Variants in HMGA2 observed in about 807,000 individuals in gnomAD.
HMGA2 encodes the protein high mobility group protein HMGI-C.
HMGA2 carries 8 observed loss-of-function variants against 19.1 expected under a neutral mutation model. The ratio of observed to expected loss-of-function variants is 0.42; its 90% CI spans 0.25 to 0.76. The LOEUF (loss-of-function observed/expected upper bound fraction) is 0.76, where lower values mean the gene tolerates loss of function less well. Ranked by LOEUF, HMGA2 falls within the 30% of genes least tolerant of loss-of-function variation. The probability of loss-of-function intolerance (pLI) is 0.28; values close to 1 mark genes in which losing one functional copy is unlikely to be tolerated. For synonymous variants in HMGA2, 60 were observed against 48.8 expected (o/e 1.23, Z -0.96); for missense variants, 109 against 136.3 (o/e 0.80, Z 1.00).
At position 65,825,280 on chromosome 12, in the gene HMGA2, C is replaced by T; in HGVS notation, c.10C>T (p.Arg4Cys). The change falls in exon 1 of 5, where the codon CGC (arginine) becomes TGC (cysteine). Residue 4 changes from arginine (R) to cysteine (C), a missense_variant. Transcript: ENST00000403681. This position sits in a 1 kb window ranked among gnomAD's most constrained non-coding sequence, Gnocchi z 4.4. Reference protein sequence around the residue: MSARGEGAGQPSTS... With the variant: MSACGEGAGQPSTS... The stretch of plus-strand genomic sequence containing the variant: ...GGCGGCGGGAGGCAGGATGAGCGCA[C>T]GCGGTGAGGGCGCGGGGCAGCCGTC... 6.5e-7 allele frequency: 1 copy of T among 1,530,350 alleles called. No homozygotes were observed. Among genetic ancestry groups the T allele is most frequent in the Non-Finnish European group, 8.7e-7 (1 of 1,143,096 alleles). 94.8% of individuals were successfully genotyped at this position (1,530,350 alleles called of 1,614,324 possible). A position where few individuals can be genotyped will look rare whatever the true frequency, so the allele number is the denominator to read the frequency against.
Position 65,914,775 on chromosome 12 carries a change from A to G in HMGA2, c.250-36608A>G, listed in dbSNP as rs376943127. 1.5e-4 allele frequency: 57 copies of G among 388,070 alleles called. 1 individual carries two copies. The highest frequency in any genetic ancestry group is 1.2e-3 in the South Asian group (54 of 43,240). 24.0% of individuals were successfully genotyped at this position (388,070 alleles called of 1,614,324 possible). ...TTGCAACCTCCACCTCCCAGGTTCAAGCAATTCTCCTGCCTCAGGCTCCTG... is the reference window on the plus strand; with the variant it reads ...TTGCAACCTCCACCTCCCAGGTTCAGGCAATTCTCCTGCCTCAGGCTCCTG... On this transcript the variant is annotated intron_variant, in intron 3 of 4. Coordinates refer to ENST00000403681, the MANE Select transcript of HMGA2 (RefSeq NM_003483.6).
intron 3 of HMGA2, among the ~76,000 whole-genome samples, chr12:65,919,499 G>C (rs1175949300): frequency 6.6e-6 from 1 of 152,224 alleles, no homozygotes. Context: ...TGCCAGGGCA[G>C]ATTTTTGCCA....
chr12:65,871,423 G>T (rs1361938805), intron 3 of HMGA2, among the ~76,000 whole-genome samples: 1 of 151,988 alleles, frequency 6.6e-6, no homozygotes, highest in Non-Finnish European at 1.5e-5. Context: ...TGTCTTTCTG[G>T]CCCTCTTAAT....
chr12:65,951,473 T>C, intron 4 of HMGA2, 58 bp downstream of exon 4: 2 of 1,077,654 alleles, frequency 1.9e-6, no homozygotes, highest in African/African-American at 1.6e-5. Flanking sequence ...AAATATGTAC[T>C]GAAAAATGTC....
intron 1 of HMGA2, chr12:65,826,063 G>A (rs1870165205): frequency 1.3e-5 from 2 of 152,484 alleles, no homozygotes; most frequent in African/African-American, 2.4e-5. Context: ...TTCCCCGCAG[G>A]ACGGGGTTAA....
At chr12:65,902,958 T>A (rs75676774) in intron 3 of HMGA2, among the ~76,000 whole-genome samples, 4,266 of 152,116 alleles carry the variant, frequency 0.028, 210 homozygotes, top group African/African-American at 0.098. Flanking sequence ...ATAAACCAAG[T>A]AGTAGTATTA....
At chr12:65,833,633 A>C (rs1436104239) in intron 2 of HMGA2, among the ~76,000 whole-genome samples, 1 of 152,076 alleles carries the variant, frequency 6.6e-6, no homozygotes, top group Non-Finnish European at 1.5e-5. Context: ...ACTTTTAACT[A>C]ATTTGATTTT....
rs567127702 is a variant in HMGA2 at position 65,929,098 on chromosome 12, A to G, written c.250-22285A>G. Among the ~76,000 whole-genome samples the G allele has an allele frequency of 3.9e-5, 6 of 152,298 alleles. No individual in the cohort carries two copies. The South Asian group carries it at 6.2e-4, about 16-fold the overall frequency. ...TTCAGAGAAGTGGCCAAGTTTTTGT[A>G]TAGGTGTTTGGATACTGTGCAGACA... On this transcript the variant is annotated intron_variant, in intron 3 of 4. Transcript: ENST00000403681.
At chr12:65,827,261 A>G (rs1013231345) in intron 1 of HMGA2, among the ~76,000 whole-genome samples, 6 of 152,350 alleles carry the variant, frequency 3.9e-5, no homozygotes, top group Non-Finnish European at 5.9e-5. Flanking sequence ...AGTTTTCTCA[A>G]AAGAAAGTTT....
chr12:65,942,692 T>C (rs573200794), intron 3 of HMGA2: 1 of 152,224 alleles, frequency 6.6e-6, no homozygotes, highest in East Asian at 1.9e-4. Context: ...CACAACCATC[T>C]CCTGTAAAAC....
chr12:65,870,045 T>A (rs2121031949), intron 3 of HMGA2, among the ~76,000 whole-genome samples: 1 of 152,274 alleles, frequency 6.6e-6, no homozygotes, highest in South Asian at 2.1e-4. Flanking sequence ...TGCACAATAT[T>A]CCAGCTATAT....
At chr12:65,915,338 T>A in intron 3 of HMGA2, 1 of 1,371,276 alleles carries the variant, frequency 7.3e-7, no homozygotes, top group East Asian at 2.9e-5. Flanking sequence ...CTACCCCATA[T>A]GGCACCCTTG....
chr12:65,923,189 G>C (rs1023266435), intron 3 of HMGA2, among the ~76,000 whole-genome samples: 13 of 151,882 alleles, frequency 8.6e-5, no homozygotes, highest in African/African-American at 3.1e-4. Flanking sequence ...TGCTAATTTA[G>C]TTGGTAAACT....
At chr12:65,870,404 C>T (rs1872651129) in intron 3 of HMGA2, among the ~76,000 whole-genome samples, 1 of 152,200 alleles carries the variant, frequency 6.6e-6, no homozygotes, top group African/African-American at 2.4e-5. Flanking sequence ...AATGACACTT[C>T]AGCTGAGCCC....
intron 3 of HMGA2, among the ~76,000 whole-genome samples, chr12:65,888,658 G>A (rs1475511911): frequency 7.3e-6 from 1 of 136,508 alleles, no homozygotes; most frequent in African/African-American, 2.8e-5. Flanking sequence ...CCGCCTCCCG[G>A]GTTCATGCCA....
intron 3 of HMGA2, among the ~76,000 whole-genome samples, chr12:65,946,912 A>G (rs747975468): frequency 2.0e-5 from 3 of 152,124 alleles, no homozygotes; most frequent in Non-Finnish European, 4.4e-5. Flanking sequence ...TATCTTCTAC[A>G]GTTTCTTAGC....
intron 3 of HMGA2, among the ~76,000 whole-genome samples, chr12:65,908,405 C>G (rs1191319450): frequency 6.6e-6 from 1 of 152,204 alleles, no homozygotes; most frequent in Non-Finnish European, 1.5e-5. Context: ...ATTCCAACAT[C>G]TCTAGATTTT....
At chr12:65,882,355 G>A (rs998177437) in intron 3 of HMGA2, among the ~76,000 whole-genome samples, 3 of 152,190 alleles carry the variant, frequency 2.0e-5, no homozygotes, top group Non-Finnish European at 4.4e-5. Flanking sequence ...AAACAAAACA[G>A]GGCAGAGCCC....
At chr12:65,854,096 T>C (rs1469152555) in intron 3 of HMGA2, among the ~76,000 whole-genome samples, 1 of 152,214 alleles carries the variant, frequency 6.6e-6, no homozygotes, top group Admixed American at 6.5e-5. Context: ...CTGATGAAGG[T>C]ACACATTTCG....
Sources: allele counts gnomAD v4.1 joint callset (sites outside exome capture counted in the v4.1 genomes callset), GRCh38; gene constraint gnomAD v4.1.1; non-coding constraint Gnocchi (gnomAD v3.1); transcripts MANE v1.5; gene names NCBI Gene and HGNC (gene_info 2026-07-23, HGNC 2026-07-21).